BCLAF3: variants seen among roughly 807,000 people sequenced by gnomAD.
The protein encoded by BCLAF3 is transient octamer binding factor 1.
BCLAF3 carries 24 observed loss-of-function variants against 51.2 expected under a neutral mutation model. That is an observed-to-expected ratio of 0.47 (90% CI 0.34 to 0.66). BCLAF3 has a LOEUF of 0.66. Ranked by LOEUF, BCLAF3 falls within the 30% of genes least tolerant of loss-of-function variation. The pLI is 0.01. For missense variants in BCLAF3, 465 were observed against 525.1 expected, an observed-to-expected ratio of 0.89 and a Z score of 1.12; for synonymous variants, 152 against 176.6, an observed-to-expected ratio of 0.86 and a Z score of 1.10.
chrX:19,983,237 C>G (rs1363673692), intron 1 of BCLAF3, among the ~76,000 whole-genome samples: 1 of 104,407 alleles, frequency 9.6e-6, no homozygotes, highest in Non-Finnish European at 2.0e-5. Flanking sequence ...GGATTACAGG[C>G]GTGAGCCACA....
chrX:19,948,441 C>T (rs150402305), intron 8 of BCLAF3, among the ~76,000 whole-genome samples: 17 of 111,483 alleles, frequency 1.5e-4, no homozygotes, highest in African/African-American at 4.6e-4. Flanking sequence ...AAGTCAGTTA[C>T]GAGAGGCCAC....
chrX:19,989,531 A>G (rs1430956204), intron 1 of BCLAF3, among the ~76,000 whole-genome samples: 1 of 112,206 alleles, frequency 8.9e-6, no homozygotes, highest in Admixed American at 9.5e-5. Context: ...TTTACCCAAC[A>G]ATGTATTTTA....
At position 19,965,104 on chromosome X, in the gene BCLAF3, T is replaced by A; in HGVS notation, c.1214A>T (p.Asn405Ile). Residue 405 changes from asparagine to isoleucine, a missense_variant, in exon 4 of 12, where the codon AAT becomes ATT. Coordinates refer to ENST00000379682, the MANE Select transcript of BCLAF3 (RefSeq NM_001367774.2). ...AACTGTAAGTGATTTCTTCCTAAGA[T>A]TGATAGGCGAGGGTTTCACATCAGG... ...KLPDVKPSPI[N>I]LRKKSLTVKV... 1 of 1,196,397 alleles carries A rather than the reference T, an allele frequency of 8.4e-7. No individual in the cohort carries two copies. Among genetic ancestry groups the A allele is most frequent in the Non-Finnish European group, 1.1e-6 (1 of 890,937 alleles).
chrX:19,932,812 G>A (rs757252242), intron 10 of BCLAF3, among the ~76,000 whole-genome samples: 7 of 111,626 alleles, frequency 6.3e-5, no homozygotes, highest in Admixed American at 1.9e-4. Context: ...GATTACAGGC[G>A]TGAGCCACCA....
chrX:19,950,979 C>T (rs2071456168), intron 7 of BCLAF3, 111 bp from the exon 8 acceptor site: 1 of 450,289 alleles, frequency 2.2e-6, no homozygotes, highest in African/African-American at 2.4e-5. Flanking sequence ...TTGTACTCAT[C>T]CTGCTAATGG....
At chrX:19,931,200 A>T (rs73193562) in intron 10 of BCLAF3, among the ~76,000 whole-genome samples, 1 of 112,060 alleles carries the variant, frequency 8.9e-6, no homozygotes, top group Non-Finnish European at 1.9e-5. Flanking sequence ...GTCCCTTGTT[A>T]ATCTACTGCT....
chrX:19,953,144 A>T, intron 6 of BCLAF3, 93 bp from the exon 7 acceptor site: 1 of 753,764 alleles, frequency 1.3e-6, no homozygotes, highest in Non-Finnish European at 1.9e-6. Flanking sequence ...AAATAAAGCT[A>T]GTATGTTTTG....
At chrX:19,982,957 T>TC (rs1491382024) in intron 1 of BCLAF3, among the ~76,000 whole-genome samples, 4 of 84,374 alleles carry the variant, frequency 4.7e-5, no homozygotes, top group Non-Finnish European at 8.1e-5. Flanking sequence ...CTTTTTTTTT[T>TC]CTTTTTTTTT....
intron 1 of BCLAF3, among the ~76,000 whole-genome samples, chrX:19,977,597 A>C (rs1286949477): frequency 8.9e-6 from 1 of 112,607 alleles, no homozygotes; most frequent in African/African-American, 3.2e-5. Context: ...GTGACGTTTA[A>C]GGAAAGAAGC....
At chrX:19,932,256 G>C (rs1311773841) in intron 10 of BCLAF3, among the ~76,000 whole-genome samples, 3 of 111,981 alleles carry the variant, frequency 2.7e-5, no homozygotes. Flanking sequence ...CATGGGAAGA[G>C]TTTTGTCTTT....
intron 4 of BCLAF3, among the ~76,000 whole-genome samples, chrX:19,959,647 G>A (rs778900226): frequency 9.2e-6 from 1 of 108,486 alleles, no homozygotes; most frequent in African/African-American, 3.3e-5. Flanking sequence ...GCATGGTGGC[G>A]TGTGCCTATA....
Position 19,966,250 on chromosome X carries a change from T to C in BCLAF3, c.441A>G (p.Gly147=), listed in dbSNP as rs774794393. 8.3e-7 allele frequency: 1 copy of C among 1,211,483 alleles called. No individual in the cohort carries two copies. The highest frequency in any genetic ancestry group is 1.8e-5 in the South Asian group (1 of 56,958). Residue 147 remains glycine, a synonymous_variant, in exon 3 of 12, where the codon GGA becomes GGG. Transcript: ENST00000379682. Reference sequence around the variant, plus strand: ...GAGGTGGTTTCCCTCCTTTTCCACTTCCTCTAACTCTGTGGTCATCAGGAC... The same window carrying C: ...GAGGTGGTTTCCCTCCTTTTCCACTCCCTCTAACTCTGTGGTCATCAGGAC... The part of the protein sequence containing the change: ...GHSPDDHRVR[G]SGKGGKPPQR...
intron 10 of BCLAF3, among the ~76,000 whole-genome samples, chrX:19,935,010 C>G (rs747224059): frequency 7.3e-5 from 8 of 109,893 alleles, no homozygotes; most frequent in Non-Finnish European, 1.5e-4. Flanking sequence ...ATGATGAAAC[C>G]CTGTCTCTAC....
chrX:19,968,301 G>A (rs1042690604), intron 2 of BCLAF3, among the ~76,000 whole-genome samples: 3 of 112,620 alleles, frequency 2.7e-5, no homozygotes, highest in Non-Finnish European at 5.6e-5. Flanking sequence ...CGCCCTGTGA[G>A]CAGAGGCACT....
intron 2 of BCLAF3, 150 bp from the exon 3 acceptor site, chrX:19,966,799 T>G: frequency 2.1e-6 from 1 of 483,130 alleles, no homozygotes; most frequent in Non-Finnish European, 3.4e-6. Context: ...CATTCTAAAT[T>G]GTACATCTGG....
chrX:19,982,055 G>GA (rs1413498073), intron 1 of BCLAF3, among the ~76,000 whole-genome samples: 13 of 111,521 alleles, frequency 1.2e-4, no homozygotes, highest in African/African-American at 2.0e-4. Flanking sequence ...AGCTGTTACA[G>GA]AAAAAAAATC....
At position 19,917,211 on chromosome X, in the gene BCLAF3, T is replaced by C; in HGVS notation, c.*94A>G. The C allele has an allele frequency of 6.4e-6, 5 of 779,274 alleles. No individual in the cohort carries two copies. The highest frequency in any genetic ancestry group is 9.7e-6 in the Non-Finnish European group (5 of 513,178). 64.2% of individuals were successfully genotyped at this position (779,274 alleles called of 1,213,427 possible). A position where few individuals can be genotyped will look rare whatever the true frequency, so the allele number is the denominator to read the frequency against. ...TTATTTTATCAAGAAGTTACAGTAT[T>C]AGTGCCTTAGTGTCACTTCTAACTC... On this transcript the variant is annotated 3_prime_UTR_variant, in exon 12 of 12. Coordinates refer to ENST00000379682, the MANE Select transcript of BCLAF3 (RefSeq NM_001367774.2).
intron 4 of BCLAF3, among the ~76,000 whole-genome samples, chrX:19,957,844 A>G (rs749328820): frequency 4.5e-5 from 5 of 112,015 alleles, no homozygotes; most frequent in Non-Finnish European, 9.4e-5. Context: ...AACAATTATG[A>G]TACTTTTGGT....
intron 11 of BCLAF3, among the ~76,000 whole-genome samples, chrX:19,926,650 C>G: frequency 1.8e-5 from 2 of 111,514 alleles, no homozygotes; most frequent in Admixed American, 1.9e-4. Context: ...TAGCACAGAG[C>G]TAACAGAAGA....
Sources: gnomAD v4.1 joint callset for allele counts (sites outside exome capture counted in the v4.1 genomes callset) on GRCh38, gnomAD v4.1.1 for gene constraint, MANE v1.5 for transcripts, NCBI Gene and HGNC (gene_info 2026-07-23, HGNC 2026-07-21) for gene names.